ATP9B: variants seen among roughly 807,000 people sequenced by gnomAD.
The protein encoded by ATP9B is ATPase phospholipid transporting 9B.
ATP9B carries 110 observed loss-of-function variants against 146.1 expected under a neutral mutation model. The observed-to-expected ratio is 0.75, with a 90% CI of 0.65 to 0.88. ATP9B has a LOEUF of 0.88. ATP9B is among the 40% of genes least tolerant of loss of function. The pLI, the probability that ATP9B is intolerant of heterozygous loss-of-function variation, is 0.00. For missense variants in ATP9B, 1,499 were observed against 1,496.4 expected, an observed-to-expected ratio of 1.00 and a Z score of -0.03; for synonymous variants, 604 against 569.7, an observed-to-expected ratio of 1.06 and a Z score of -0.86.
chr18:79,215,375 A>G (rs116452284), intron 11 of ATP9B, among the ~76,000 whole-genome samples: 2,405 of 152,222 alleles, frequency 0.016, 66 homozygotes, highest in African/African-American at 0.055. Flanking sequence ...CGGAGAATCC[A>G]GTGTGCATCT....
chr18:79,267,624 CTT>C (rs2096216309), intron 12 of ATP9B, among the ~76,000 whole-genome samples: 1 of 152,082 alleles, frequency 6.6e-6, no homozygotes, highest in Non-Finnish European at 1.5e-5. Context: ...TTATTACAAA[CTT>C]ATTTCTTATC....
At chr18:79,218,798 G>A (rs2095652405) in intron 11 of ATP9B, among the ~76,000 whole-genome samples, 1 of 152,190 alleles carries the variant, frequency 6.6e-6, no homozygotes, top group Non-Finnish European at 1.5e-5. Flanking sequence ...GAGTGATATG[G>A]GTCACATTTC....
chr18:79,277,576 A>G (rs2096326375), intron 13 of ATP9B, among the ~76,000 whole-genome samples: 1 of 152,192 alleles, frequency 6.6e-6, no homozygotes, highest in Admixed American at 6.5e-5. Flanking sequence ...GAGCTATTAG[A>G]AGAAAATAAC....
intron 11 of ATP9B, among the ~76,000 whole-genome samples, chr18:79,216,031 T>C (rs1171974598): frequency 6.6e-6 from 1 of 152,168 alleles, no homozygotes; most frequent in Admixed American, 6.5e-5. Flanking sequence ...TTCTAGGATT[T>C]TTTTCCTAAA....
At chr18:79,160,006 C>G (rs2094853461) in intron 7 of ATP9B, among the ~76,000 whole-genome samples, 1 of 152,166 alleles carries the variant, frequency 6.6e-6, no homozygotes, top group African/African-American at 2.4e-5. Context: ...TAATCCATTT[C>G]TATTTAATGT....
At chr18:79,245,948 C>CGCGGAGGGCACCACCCTACTGACT (rs1382735856) in intron 11 of ATP9B, among the ~76,000 whole-genome samples, 1 of 130,280 alleles carries the variant, frequency 7.7e-6, no homozygotes, top group Non-Finnish European at 1.6e-5. Context: ...CTACTGACTG[C>CGCGGAGGGCACCACCCTACTGACT]GCGGAGGGCA....
At chr18:79,207,090 G>A (rs2095541484) in intron 10 of ATP9B, 78 bp downstream of exon 10, 2 of 1,403,000 alleles carry the variant, frequency 1.4e-6, no homozygotes, top group East Asian at 2.3e-5. Flanking sequence ...CTCCAAACAA[G>A]GGTTTCTCAC....
intron 8 of ATP9B, among the ~76,000 whole-genome samples, chr18:79,191,623 A>AT (rs1346226701): frequency 2.0e-5 from 3 of 152,024 alleles, no homozygotes. Context: ...CAGACATTGC[A>AT]TTTTTTCAAT....
chr18:79,112,624 T>G (rs2093994156), intron 3 of ATP9B, among the ~76,000 whole-genome samples: 1 of 152,166 alleles, frequency 6.6e-6, no homozygotes, highest in Non-Finnish European at 1.5e-5. Flanking sequence ...TTTATCATTT[T>G]TAATGTTTTG....
intron 11 of ATP9B, among the ~76,000 whole-genome samples, chr18:79,226,661 C>T (rs2095737741): frequency 2.0e-5 from 3 of 152,222 alleles, no homozygotes; most frequent in South Asian, 2.1e-4. Context: ...CCATGCTGCT[C>T]ACCCGCAGTA....
At chr18:79,192,317 C>T (rs1245792985) in intron 8 of ATP9B, among the ~76,000 whole-genome samples, 6 of 152,074 alleles carry the variant, frequency 3.9e-5, no homozygotes, top group African/African-American at 1.2e-4. Context: ...AAATGGCAAA[C>T]TCTGTGTGTT....
chr18:79,126,522 T>C (rs546058390), intron 5 of ATP9B, 147 bp downstream of exon 5: 25 of 595,974 alleles, frequency 4.2e-5, no homozygotes, highest in African/African-American at 3.2e-4. Context: ...AATTTCCTTA[T>C]AATGTATAAT....
chr18:79,294,373 A>G (rs2096532268), intron 13 of ATP9B, among the ~76,000 whole-genome samples: 1 of 152,164 alleles, frequency 6.6e-6, no homozygotes. Context: ...CTGCTTCCTG[A>G]TGGAAGGACG....
intron 29 of ATP9B, among the ~76,000 whole-genome samples, chr18:79,377,046 T>C (rs890163420): frequency 6.6e-5 from 10 of 152,166 alleles, no homozygotes; most frequent in African/African-American, 2.4e-4. Flanking sequence ...AAAAGAAGAA[T>C]GAATTATGCC....
intron 5 of ATP9B, among the ~76,000 whole-genome samples, chr18:79,131,450 AG>A: frequency 6.6e-6 from 1 of 152,322 alleles, no homozygotes; most frequent in African/African-American, 2.4e-5. Context: ...CTTAGACCAG[AG>A]GGAAGTGCAA....
At chr18:79,333,159 G>A (rs375686395) in intron 17 of ATP9B, among the ~76,000 whole-genome samples, 4 of 152,188 alleles carry the variant, frequency 2.6e-5, no homozygotes, top group South Asian at 2.1e-4. Flanking sequence ...CTGGGGGGCC[G>A]TGATGTGTTT....
intron 26 of ATP9B, among the ~76,000 whole-genome samples, chr18:79,369,752 G>A (rs960598205): frequency 1.3e-5 from 2 of 152,156 alleles, no homozygotes; most frequent in East Asian, 1.9e-4. Context: ...GAGTGCTTCC[G>A]TACGAATAAC....
intron 4 of ATP9B, among the ~76,000 whole-genome samples, chr18:79,120,665 A>G (rs907566965): frequency 4.6e-5 from 7 of 152,236 alleles, no homozygotes; most frequent in East Asian, 1.9e-4. Flanking sequence ...TCATGCTTCT[A>G]TCAAAATGAA....
rs1248175211 is a variant in ATP9B, at chr18:79,327,561, T to C, written c.1774-1580T>C. On this transcript the variant is annotated intron_variant, in intron 15 of 29. Coordinates refer to ENST00000426216, the MANE Select transcript of ATP9B (RefSeq NM_198531.5). ...AGCGTGCTCTCCGTGGTTAGCGTGCTCTCCGTGGTTAGCGTGCTCTCCGTG... is the reference window on the plus strand; with the variant it reads ...AGCGTGCTCTCCGTGGTTAGCGTGCCCTCCGTGGTTAGCGTGCTCTCCGTG... Among the ~76,000 whole-genome samples, 493 of 123,642 alleles carry C rather than the reference T, an allele frequency of 4.0e-3. 11 individuals carry two copies. Among genetic ancestry groups the C allele is most frequent in the African/African-American group, 0.014 (368 of 26,916 alleles). 81.1% of individuals were successfully genotyped at this position (123,642 alleles called of 152,430 possible).
Sources: gnomAD v4.1 joint callset for allele counts (sites outside exome capture counted in the v4.1 genomes callset) on GRCh38, gnomAD v4.1.1 for gene constraint, MANE v1.5 for transcripts, NCBI Gene and HGNC (gene_info 2026-07-23, HGNC 2026-07-21) for gene names.